The following RERG variants were observed in gnomAD, a reference collection of about 807,000 sequenced individuals.
RERG encodes the protein ras-related and estrogen-regulated growth inhibitor.
In RERG, 25 loss-of-function variants were observed where a neutral mutation model predicts 23.2. The observed-to-expected ratio is 1.08, with a 90% confidence interval of 0.79 to 1.50. RERG has a LOEUF of 1.50. RERG is among the 40% of genes most tolerant of loss of function. The pLI, the probability that RERG is intolerant of heterozygous loss-of-function variation, is 0.00. For missense variants in RERG, 253 were observed against 250.1 expected (o/e 1.01, Z -0.08); for synonymous variants, 81 against 89.1 (o/e 0.91, Z 0.51).
chr12:15,207,031 A>G (rs755428367), intron 2 of RERG, among the ~76,000 whole-genome samples: 1 of 152,192 alleles, frequency 6.6e-6, no homozygotes, highest in Non-Finnish European at 1.5e-5. Flanking sequence ...TGACCACAGA[A>G]GTAATGTGAT....
chr12:15,174,494 G>GTA (rs1555126934), intron 2 of RERG, among the ~76,000 whole-genome samples: 16,625 of 150,676 alleles, frequency 0.11, 907 homozygotes, highest in South Asian at 0.14. Flanking sequence ...GTGTGTGTGT[G>GTA]TGTATATATA....
At chr12:15,179,702 A>G (rs755294687) in intron 2 of RERG, among the ~76,000 whole-genome samples, 29 of 152,218 alleles carry the variant, frequency 1.9e-4, no homozygotes, top group Non-Finnish European at 3.1e-4. Context: ...TTGTATTCCA[A>G]TTGCCATCCC....
At chr12:15,155,626 T>C (rs939425868) in intron 2 of RERG, among the ~76,000 whole-genome samples, 7 of 152,118 alleles carry the variant, frequency 4.6e-5, no homozygotes, top group African/African-American at 1.2e-4. Flanking sequence ...TGTCTTCTAA[T>C]TGGGAAGGCT....
intron 2 of RERG, among the ~76,000 whole-genome samples, chr12:15,153,863 A>C (rs963299401): frequency 1.3e-5 from 2 of 152,200 alleles, no homozygotes; most frequent in Non-Finnish European, 2.9e-5. Context: ...TTGATGATCA[A>C]GCTAAGATGA....
intron 2 of RERG, among the ~76,000 whole-genome samples, chr12:15,175,136 A>G (rs929552111): frequency 6.6e-6 from 1 of 151,144 alleles, no homozygotes; most frequent in African/African-American, 2.4e-5. Context: ...GTGTGTGAGA[A>G]AGGTTGCTAT....
chr12:15,143,403 TTATA>T (rs1434375838), intron 2 of RERG, among the ~76,000 whole-genome samples: 1 of 152,042 alleles, frequency 6.6e-6, no homozygotes, highest in African/African-American at 2.4e-5. Context: ...AATGTATATA[TTATA>T]TAAACACACA....
chr12:15,143,410 AAC>A (rs1466739317), intron 2 of RERG, among the ~76,000 whole-genome samples: 3 of 147,704 alleles, frequency 2.0e-5, no homozygotes, highest in Non-Finnish European at 4.4e-5. Context: ...ATATTATATA[AAC>A]ACACATATGT....
intron 2 of RERG, among the ~76,000 whole-genome samples, chr12:15,199,211 T>C (rs58654861): frequency 0.01 from 1,566 of 152,228 alleles, 27 homozygotes; most frequent in African/African-American, 0.036. Flanking sequence ...AAATCAGGCA[T>C]GGGTGAAGCT....
Position 15,217,411 on chromosome 12 carries a change from C to G in RERG, c.61+18G>C, listed in dbSNP as rs768099737. The G allele has an allele frequency of 6.9e-6, 11 of 1,589,362 alleles. No homozygotes were observed. The highest frequency in any genetic ancestry group is 1.3e-5 in the African/African-American group (1 of 74,442). ...CACCCACACACACACACTATAACAA[C>G]CACAACGAAAATCTTACCTGACTTG... On this transcript the variant is annotated intron_variant, in intron 2 of 4. Transcript: ENST00000256953.
chr12:15,166,561 G>A (rs1246138487), intron 2 of RERG, among the ~76,000 whole-genome samples: 1 of 151,452 alleles, frequency 6.6e-6, no homozygotes, highest in African/African-American at 2.4e-5. Flanking sequence ...TGGTGGTGGT[G>A]TTGGTGGTGG....
intron 2 of RERG, among the ~76,000 whole-genome samples, chr12:15,150,647 C>T (rs548862258): frequency 4.6e-5 from 7 of 152,246 alleles, no homozygotes; most frequent in African/African-American, 1.4e-4. Context: ...AAGAAGGAGA[C>T]TGAAGCAGAG....
chr12:15,121,904 T>G (rs1366840995), intron 2 of RERG, among the ~76,000 whole-genome samples: 1 of 152,206 alleles, frequency 6.6e-6, no homozygotes, highest in Non-Finnish European at 1.5e-5. Flanking sequence ...GGATAATATT[T>G]AACTGGAAGA....
intron 2 of RERG, among the ~76,000 whole-genome samples, chr12:15,184,364 G>T (rs1273230703): frequency 1.3e-5 from 2 of 152,128 alleles, no homozygotes; most frequent in Non-Finnish European, 2.9e-5. Flanking sequence ...GTCTTGCAGG[G>T]AAGAAGGACT....
At chr12:15,156,295 G>C (rs1458600013) in intron 2 of RERG, among the ~76,000 whole-genome samples, 1 of 152,064 alleles carries the variant, frequency 6.6e-6, no homozygotes, top group East Asian at 1.9e-4. Flanking sequence ...GTCATTTAAG[G>C]GTGCATGAAA....
At chr12:15,139,014 C>T (rs1376705992) in intron 2 of RERG, among the ~76,000 whole-genome samples, 142 of 51,018 alleles carry the variant, frequency 2.8e-3, no homozygotes, top group Admixed American at 5.4e-3. Context: ...TGTGTCTAGA[C>T]TTTTTTTTTT....
intron 2 of RERG, among the ~76,000 whole-genome samples, chr12:15,206,312 C>G (rs1360700085): frequency 6.6e-6 from 1 of 152,084 alleles, no homozygotes; most frequent in African/African-American, 2.4e-5. Context: ...CACTTTGTCT[C>G]TTCTCACTAA....
rs577803069 is a variant in RERG at position 15,117,546 on chromosome 12, T to C, written c.118+3517A>G. ...AACTAGTGGGTCTAACGTCTCCTCATTCCCATCCTCATCTGCTTAGAAAAC... is the reference window on the plus strand; with the variant it reads ...AACTAGTGGGTCTAACGTCTCCTCACTCCCATCCTCATCTGCTTAGAAAAC... On this transcript the variant is annotated intron_variant, in intron 3 of 4. Transcript: ENST00000256953. Among the ~76,000 whole-genome samples the C allele has an allele frequency of 1.1e-4, 17 of 152,260 alleles. No homozygotes were observed. In the East Asian group the frequency reaches 2.5e-3, roughly 23 times the overall value.
chr12:15,183,470 A>G (rs1318831326), intron 2 of RERG, among the ~76,000 whole-genome samples: 1 of 152,108 alleles, frequency 6.6e-6, no homozygotes, highest in Non-Finnish European at 1.5e-5. Flanking sequence ...TCTTTTTTAG[A>G]TAAAAAAGGC....
intron 2 of RERG, among the ~76,000 whole-genome samples, chr12:15,180,571 C>A (rs1371339708): frequency 6.6e-6 from 1 of 152,172 alleles, no homozygotes; most frequent in African/African-American, 2.4e-5. Flanking sequence ...ACCCATGAGA[C>A]AAATCTAATA....
Sources: allele counts gnomAD v4.1 joint callset (sites outside exome capture counted in the v4.1 genomes callset), GRCh38; gene constraint gnomAD v4.1.1; transcripts MANE v1.5; gene names NCBI Gene and HGNC (gene_info 2026-07-23, HGNC 2026-07-21).